The following ANXA8 variants were observed in gnomAD, a reference collection of about 807,000 sequenced individuals.
ANXA8 encodes annexin A8, also known as VAC-beta.
Under a neutral mutation model 26.8 loss-of-function variants are expected in ANXA8, and 9 were observed. The observed-to-expected ratio is 0.34, with a 90% CI of 0.20 to 0.59. The LOEUF is 0.59. Ranked by LOEUF, ANXA8 falls within the 20% of genes least tolerant of loss-of-function variation. The probability of loss-of-function intolerance (pLI) is 0.84; values close to 1 mark genes in which losing one functional copy is unlikely to be tolerated. For missense variants in ANXA8, 83 were observed against 238.5 expected (o/e 0.35, Z 4.29); for synonymous variants, 39 against 94.8 (o/e 0.41, Z 3.42).
At chr10:47,487,650 T>C (rs1303152000), upstream of ANXA8, among the ~76,000 whole-genome samples, 2 of 145,114 alleles carry the variant, frequency 1.4e-5, no homozygotes, top group Non-Finnish European at 3.0e-5. Flanking sequence ...CTTATCCTTT[T>C]TTCTGGAAAA....
the ANXA8 span, among the ~76,000 whole-genome samples, chr10:47,669,452 C>T: frequency 6.6e-6 from 1 of 151,290 alleles, no homozygotes. Flanking sequence ...GGCGTGGTGG[C>T]TCAGGCCTGT....
the ANXA8 span, among the ~76,000 whole-genome samples, chr10:47,743,405 T>TGTGTGTGAGA: frequency 3.6e-3 from 300 of 83,480 alleles, 1 homozygote; most frequent in African/African-American, 9.7e-3. Context: ...TGTGTGTGTG[T>TGTGTGTGAGA]GAGAGAGAGA....
the ANXA8 span, chr10:47,690,882 A>G: frequency 9.3e-6 from 15 of 1,611,636 alleles, no homozygotes; most frequent in Non-Finnish European, 1.3e-5. Context: ...CTGAAGCTCT[A>G]TCTAGAGTCC....
At chr10:47,563,828 T>C in the ANXA8 span, 8 of 622,962 alleles carry the variant, frequency 1.3e-5, no homozygotes, top group Non-Finnish European at 2.0e-5. Context: ...GCATCATTTC[T>C]CAATTACTCT....
chr10:47,982,176 G>A, the ANXA8 span, among the ~76,000 whole-genome samples: 1 of 150,928 alleles, frequency 6.6e-6, no homozygotes, highest in African/African-American at 2.4e-5. Context: ...TGTAGTCCCA[G>A]CAACTTGGGA....
At chr10:47,932,732 GTCTCTCTC>G in the ANXA8 span, among the ~76,000 whole-genome samples, 16 of 86,434 alleles carry the variant, frequency 1.9e-4, 2 homozygotes, top group Non-Finnish European at 2.5e-4. Context: ...CTGTCTTTCT[GTCTCTCTC>G]TCTCTCTCTC....
chr10:47,755,168 G>A, the ANXA8 span, among the ~76,000 whole-genome samples: 1 of 151,642 alleles, frequency 6.6e-6, no homozygotes, highest in African/African-American at 2.4e-5. Flanking sequence ...TGTTGGCCAG[G>A]ATGGTCTTGA....
At chr10:47,617,635 G>C in the ANXA8 span, among the ~76,000 whole-genome samples, 1 of 147,992 alleles carries the variant, frequency 6.8e-6, no homozygotes. Flanking sequence ...ATGTTTTGTA[G>C]CTATCGCAGT....
At chr10:47,770,153 C>T in the ANXA8 span, among the ~76,000 whole-genome samples, 1 of 135,320 alleles carries the variant, frequency 7.4e-6, no homozygotes, top group Non-Finnish European at 1.6e-5. Flanking sequence ...TACCTCCCAC[C>T]AGGCCCCACC....
chr10:47,665,897 T>C, the ANXA8 span, among the ~76,000 whole-genome samples: 1 of 151,882 alleles, frequency 6.6e-6, no homozygotes, highest in Non-Finnish European at 1.5e-5. Context: ...TGTGCATAAG[T>C]TGGAGGCTAC....
the ANXA8 span, among the ~76,000 whole-genome samples, chr10:47,654,740 G>T: frequency 5.5e-5 from 1 of 18,172 alleles, no homozygotes; most frequent in Non-Finnish European, 9.3e-5. Flanking sequence ...CTTCAGTGGA[G>T]TCTCCATGAT....
the ANXA8 span, among the ~76,000 whole-genome samples, chr10:47,724,937 G>T: frequency 7.5e-6 from 1 of 134,168 alleles, no homozygotes; most frequent in Non-Finnish European, 1.6e-5. Flanking sequence ...TATAATATGT[G>T]ATCTTTTGTG....
At chr10:47,626,423 A>C in the ANXA8 span, among the ~76,000 whole-genome samples, 1 of 150,340 alleles carries the variant, frequency 6.7e-6, no homozygotes, top group Non-Finnish European at 1.5e-5. Flanking sequence ...ACTTTGAGAA[A>C]GTAGATTACT....
At chr10:47,627,714 G>A in the ANXA8 span, among the ~76,000 whole-genome samples, 4 of 149,956 alleles carry the variant, frequency 2.7e-5, no homozygotes, top group Non-Finnish European at 4.4e-5. Flanking sequence ...AGATGCCAGG[G>A]AAATTTATAA....
chr10:47,953,349 C>G, the ANXA8 span, among the ~76,000 whole-genome samples: 1 of 150,176 alleles, frequency 6.7e-6, no homozygotes, highest in East Asian at 2.1e-4. Flanking sequence ...TGCACTGCAG[C>G]ATTACACATC....
chr10:47,743,889 T>C, the ANXA8 span, among the ~76,000 whole-genome samples: 28,333 of 135,980 alleles, frequency 0.21, 1,536 homozygotes, highest in Admixed American at 0.33. Context: ...CCCGGGAAGT[T>C]TGTCAGTCAG....
the ANXA8 span, among the ~76,000 whole-genome samples, chr10:47,957,206 T>G: frequency 6.7e-6 from 1 of 150,176 alleles, no homozygotes; most frequent in Non-Finnish European, 1.5e-5. Context: ...TCCTTTTCTG[T>G]CTCAGAGGAG....
the ANXA8 span, among the ~76,000 whole-genome samples, chr10:47,714,106 T>C: frequency 3.1e-4 from 23 of 73,140 alleles, no homozygotes; most frequent in African/African-American, 1.3e-3. Context: ...AAACAACTGG[T>C]TGTCCGCTAA....
chr10:47,577,742 G>A, the ANXA8 span, among the ~76,000 whole-genome samples: 1 of 97,614 alleles, frequency 1.0e-5, no homozygotes, highest in East Asian at 2.3e-4. Context: ...GCTCACGCCT[G>A]TAATCCCAGC....
Sources: allele counts gnomAD v4.1 joint callset (sites outside exome capture counted in the v4.1 genomes callset), GRCh38; gene constraint gnomAD v4.1.1; transcripts MANE v1.5; gene names NCBI Gene and HGNC (gene_info 2026-07-23, HGNC 2026-07-21).